RABIF: variants seen among roughly 807,000 people sequenced by gnomAD.
RABIF encodes the protein guanine nucleotide exchange factor MSS4.
A neutral mutation model predicts 12.3 loss-of-function variants in RABIF; 13 were observed. That is an observed-to-expected ratio of 1.06 (90% CI 0.69 to 1.68). The LOEUF is 1.68. RABIF is among the 40% of genes most tolerant of loss of function. RABIF has a pLI of 0.00. For synonymous variants in RABIF, 70 were observed against 63.3 expected (o/e 1.11, Z -0.50); for missense variants, 153 against 158.0 (o/e 0.97, Z 0.17).
In RABIF at chr1:202,880,916, G is replaced by A. The variant is rs1042017861; in HGVS notation, c.*62C>T. 1 of 1,590,140 alleles carries A rather than the reference G, an allele frequency of 6.3e-7. No individual in the cohort carries two copies. The highest frequency in any genetic ancestry group is 1.3e-5 in the African/African-American group (1 of 74,512). Reference sequence around the variant, plus strand: ...AGCGGAACAGTTATACCACATTAAAGGCCAGTTCTTGTGGGGAGTAGGTTT... The same window carrying A: ...AGCGGAACAGTTATACCACATTAAAAGCCAGTTCTTGTGGGGAGTAGGTTT... On this transcript the variant is annotated 3_prime_UTR_variant, in exon 2 of 2. Coordinates refer to ENST00000367262, the MANE Select transcript of RABIF (RefSeq NM_002871.5).
intron 1 of RABIF, among the ~76,000 whole-genome samples, chr1:202,884,619 T>C (rs1455950617): frequency 6.6e-6 from 1 of 152,108 alleles, no homozygotes; most frequent in Non-Finnish European, 1.5e-5. Context: ...GGGGGGTCCA[T>C]GTACGGACGG....
intron 1 of RABIF, among the ~76,000 whole-genome samples, chr1:202,883,232 A>C (rs1659517234): frequency 6.6e-6 from 1 of 151,928 alleles, no homozygotes; most frequent in African/African-American, 2.4e-5. Flanking sequence ...GGGTCTCTCT[A>C]CATTGCCCAG....
Position 202,879,437 on chromosome 1 carries a change from G to A in RABIF, c.*1541C>T, listed in dbSNP as rs1276679981. ...TTAAAAAATGCTTAGCTTAGGTTCT[G>A]GCTTGTGATGTGAGGGGCCATGTGC... On this transcript the variant is annotated 3_prime_UTR_variant, in exon 2 of 2. Transcript: ENST00000367262. 1 of 152,240 alleles carries A rather than the reference G, an allele frequency of 6.6e-6. No individual in the cohort carries two copies. The highest frequency in any genetic ancestry group is 2.4e-5 in the African/African-American group (1 of 41,460). 9.4% of individuals were successfully genotyped at this position (152,240 alleles called of 1,614,324 possible).
At position 202,881,326 on chromosome 1, in the gene RABIF, CA is replaced by C. The variant is rs199560929; in HGVS notation, c.127-104del. 1.7e-5 allele frequency: 25 copies of C among 1,449,032 alleles called. No individual in the cohort carries two copies. In the East Asian group the frequency reaches 4.9e-4, roughly 29 times the overall value. The allele number at this position is 1,449,032 out of a possible 1,614,324, so 89.8% of individuals were successfully genotyped here. On this transcript the variant is annotated intron_variant, in intron 1 of 1. Coordinates refer to ENST00000367262, the MANE Select transcript of RABIF (RefSeq NM_002871.5). ...TCACATTGCTCCCTAGCAGGAATGA[CA>C]AAAAAAGAGAAGCCCTCTCATTAAG...
chr1:202,885,671 C>A (rs1367824962), intron 1 of RABIF, among the ~76,000 whole-genome samples: 1 of 152,228 alleles, frequency 6.6e-6, no homozygotes, highest in African/African-American at 2.4e-5. Flanking sequence ...TTTTCCCCAC[C>A]TTAAAATGTG....
intron 1 of RABIF, among the ~76,000 whole-genome samples, chr1:202,884,361 G>A (rs1328533365): frequency 1.3e-5 from 2 of 152,100 alleles, no homozygotes; most frequent in Non-Finnish European, 2.9e-5. Context: ...TCCCTTCTGG[G>A]AGTTACTTGT....
chr1:202,878,814 G>A lies in RABIF; in HGVS notation c.*2164C>T, dbSNP rs1397844688. On this transcript the variant is annotated 3_prime_UTR_variant, in exon 2 of 2. Coordinates refer to ENST00000367262, the MANE Select transcript of RABIF (RefSeq NM_002871.5). ...GTACTGAGAGCCTATTAGGTGTGAG[G>A]GAAATGAAGAAATGACGTTTGCATT... 1 of 152,158 alleles carries A rather than the reference G, an allele frequency of 6.6e-6. No individual in the cohort carries two copies. Among genetic ancestry groups the A allele is most frequent in the Non-Finnish European group, 1.5e-5 (1 of 68,024 alleles). The allele number at this position is 152,158 out of a possible 1,614,324, so 9.4% of individuals were successfully genotyped here. A position where few individuals can be genotyped will look rare whatever the true frequency, so the allele number is the denominator to read the frequency against.
At chr1:202,886,340 A>C (rs1008774434) in intron 1 of RABIF, among the ~76,000 whole-genome samples, 2 of 39,034 alleles carry the variant, frequency 5.1e-5, no homozygotes, top group African/African-American at 1.1e-4. Flanking sequence ...GAAGGGAGGG[A>C]GGGGAAGGCA....
intron 1 of RABIF, among the ~76,000 whole-genome samples, chr1:202,885,070 G>T (rs562274758): frequency 1.2e-4 from 16 of 134,862 alleles, no homozygotes; most frequent in African/African-American, 4.1e-4. Flanking sequence ...CTGGGCAACA[G>T]AGTGAGACTC....
rs1173192587 is a variant in RABIF, at chr1:202,879,093, A to G, written c.*1885T>C. On this transcript the variant is annotated 3_prime_UTR_variant, in exon 2 of 2. Transcript: ENST00000367262. ...TAGAAATGACCGATACGTATATAAA[A>G]GTTTCACTAGAAATAAAATAAATGC... The G allele has an allele frequency of 6.6e-6, 1 of 152,264 alleles. No individual in the cohort carries two copies. Among genetic ancestry groups the G allele is most frequent in the Non-Finnish European group, 1.5e-5 (1 of 68,044 alleles). The allele number at this position is 152,264 out of a possible 1,614,324, so 9.4% of individuals were successfully genotyped here. A position where few individuals can be genotyped will look rare whatever the true frequency, so the allele number is the denominator to read the frequency against.
intron 1 of RABIF, among the ~76,000 whole-genome samples, chr1:202,886,269 G>A (rs192540077): frequency 8.2e-6 from 1 of 121,676 alleles, no homozygotes; most frequent in East Asian, 3.0e-4. Context: ...GGAAGGGAAG[G>A]GGGGAAAGGA....
At chr1:202,882,320 G>A (rs543809674) in intron 1 of RABIF, among the ~76,000 whole-genome samples, 102 of 152,258 alleles carry the variant, frequency 6.7e-4, no homozygotes, top group African/African-American at 2.3e-3. Flanking sequence ...GGTGGTTGAG[G>A]CTGCAGTGAG....
chr1:202,888,128 T>A (rs538748527), intron 1 of RABIF, among the ~76,000 whole-genome samples: 10 of 152,322 alleles, frequency 6.6e-5, no homozygotes, highest in South Asian at 2.1e-4. Context: ...CGTGAAATAA[T>A]AAAATGATCT....
At chr1:202,887,205 T>G (rs988711918) in intron 1 of RABIF, among the ~76,000 whole-genome samples, 2 of 152,152 alleles carry the variant, frequency 1.3e-5, no homozygotes, top group African/African-American at 4.8e-5. Context: ...CAGTGCTAAG[T>G]GCTTTTATAC....
rs996078277 is a variant in RABIF at position 202,878,888 on chromosome 1, G to C, written c.*2090C>G. The C allele has an allele frequency of 3.3e-5, 5 of 152,102 alleles. No homozygotes were observed. Among genetic ancestry groups the C allele is most frequent in the Non-Finnish European group, 5.9e-5 (4 of 68,030 alleles). 9.4% of individuals were successfully genotyped at this position (152,102 alleles called of 1,614,324 possible). A position where few individuals can be genotyped will look rare whatever the true frequency, so the allele number is the denominator to read the frequency against. ...TGGTTGACCTTAAGCTAAACCCCAAGGTTCAGGTTTCAGCTCTCCTTTGTT... is the reference window on the plus strand; with the variant it reads ...TGGTTGACCTTAAGCTAAACCCCAACGTTCAGGTTTCAGCTCTCCTTTGTT... On this transcript the variant is annotated 3_prime_UTR_variant, in exon 2 of 2. Transcript: ENST00000367262.
chr1:202,883,187 C>T (rs1223661501), intron 1 of RABIF, among the ~76,000 whole-genome samples: 1 of 152,128 alleles, frequency 6.6e-6, no homozygotes, highest in Non-Finnish European at 1.5e-5. Context: ...TCCCACCCCA[C>T]GATATACTTT....
intron 1 of RABIF, among the ~76,000 whole-genome samples, chr1:202,887,041 T>TG (rs1384286823): frequency 1.3e-5 from 2 of 151,468 alleles, no homozygotes; most frequent in Non-Finnish European, 2.9e-5. Context: ...TTTTTTTTTT[T>TG]TTTTTTAAAG....
At chr1:202,883,107 T>C (rs1571504361) in intron 1 of RABIF, among the ~76,000 whole-genome samples, 1 of 152,176 alleles carries the variant, frequency 6.6e-6, no homozygotes, top group Non-Finnish European at 1.5e-5. Flanking sequence ...TACCGCAAAA[T>C]ATCATGCCAG....
intron 1 of RABIF, among the ~76,000 whole-genome samples, chr1:202,882,032 C>T (rs1260922282): frequency 6.6e-6 from 1 of 152,164 alleles, no homozygotes; most frequent in African/African-American, 2.4e-5. Flanking sequence ...ATTTTAAATG[C>T]ACATTAGCTT....
Sources: allele counts gnomAD v4.1 joint callset (sites outside exome capture counted in the v4.1 genomes callset), GRCh38; gene constraint gnomAD v4.1.1; transcripts MANE v1.5; gene names NCBI Gene and HGNC (gene_info 2026-07-23, HGNC 2026-07-21).